Variants in SUGCT observed in about 807,000 individuals in gnomAD.
SUGCT encodes succinyl-CoA:glutarate-CoA transferase.
SUGCT carries 41 observed loss-of-function variants against 55.0 expected under a neutral mutation model. The ratio of observed to expected loss-of-function variants is 0.74; its 90% CI spans 0.58 to 0.97. The LOEUF is 0.97. Among genes scored for constraint, SUGCT ranks in the 50% least tolerant of loss-of-function variants. The probability of loss-of-function intolerance (pLI) is 0.00; values close to 1 mark genes in which losing one functional copy is unlikely to be tolerated. For synonymous variants in SUGCT, 187 were observed against 200.4 expected, an observed-to-expected ratio of 0.93 and a Z score of 0.56; for missense variants, 568 against 547.8, an observed-to-expected ratio of 1.04 and a Z score of -0.37.
intron 13 of SUGCT, among the ~76,000 whole-genome samples, chr7:40,813,228 T>A (rs1791510645): frequency 6.6e-6 from 1 of 152,156 alleles, no homozygotes; most frequent in South Asian, 2.1e-4. Context: ...TTGGGTCCAT[T>A]TGGTCAACTG....
the SUGCT span, among the ~76,000 whole-genome samples, chr7:40,963,091 G>C: frequency 6.6e-6 from 1 of 152,030 alleles, no homozygotes; most frequent in African/African-American, 2.4e-5. Flanking sequence ...ACTTTCACAT[G>C]TTGTCTCTTC....
intron 13 of SUGCT, among the ~76,000 whole-genome samples, chr7:40,851,192 C>G (rs1451157953): frequency 1.3e-5 from 2 of 152,134 alleles, no homozygotes; most frequent in Non-Finnish European, 2.9e-5. Flanking sequence ...TATCACTTCT[C>G]AAAAACAACA....
intron 12 of SUGCT, among the ~76,000 whole-genome samples, chr7:40,652,991 T>C (rs991893954): frequency 1.3e-5 from 2 of 152,342 alleles, no homozygotes; most frequent in Middle Eastern, 6.8e-3. Flanking sequence ...TTACCTATTA[T>C]ATCCTTTCCT....
At chr7:40,711,941 G>A (rs944856729) in intron 12 of SUGCT, among the ~76,000 whole-genome samples, 1 of 152,190 alleles carries the variant, frequency 6.6e-6, no homozygotes, top group East Asian at 1.9e-4. Flanking sequence ...ACTTAACAGC[G>A]TGGCAGAGGT....
At chr7:40,143,650 T>A (rs1281429439) in intron 1 of SUGCT, among the ~76,000 whole-genome samples, 2 of 152,262 alleles carry the variant, frequency 1.3e-5, no homozygotes, top group East Asian at 3.8e-4. Context: ...TTGTCTTAAT[T>A]GCCGAAGTTT....
At chr7:40,970,188 C>G in the SUGCT span, among the ~76,000 whole-genome samples, 1 of 150,440 alleles carries the variant, frequency 6.6e-6, no homozygotes, top group Non-Finnish European at 1.5e-5. Context: ...TTTTTTTTTT[C>G]TGAGACGGAG....
intron 12 of SUGCT, among the ~76,000 whole-genome samples, chr7:40,580,428 A>G (rs1249967172): frequency 1.3e-5 from 2 of 152,188 alleles, no homozygotes; most frequent in African/African-American, 4.8e-5. Context: ...GTGCTAGAAG[A>G]CTTGTAGCTT....
chr7:40,174,327 A>G (rs1784822291), intron 1 of SUGCT, among the ~76,000 whole-genome samples: 1 of 152,064 alleles, frequency 6.6e-6, no homozygotes, highest in Non-Finnish European at 1.5e-5. Flanking sequence ...CTGGCCCATC[A>G]TGGCTCTCTG....
At chr7:40,472,869 C>A (rs1033708567) in intron 11 of SUGCT, among the ~76,000 whole-genome samples, 11 of 152,072 alleles carry the variant, frequency 7.2e-5, no homozygotes, top group African/African-American at 2.4e-4. Flanking sequence ...AATATCAATG[C>A]CACATGTATC....
intron 9 of SUGCT, among the ~76,000 whole-genome samples, chr7:40,377,191 TTTC>T (rs200802943): frequency 0.075 from 746 of 9,996 alleles, 136 homozygotes; most frequent in East Asian, 0.65. Context: ...TCTTTCTTTC[TTTC>T]TTTCTTTTCT....
At chr7:40,494,477 A>G (rs1017668965) in intron 11 of SUGCT, among the ~76,000 whole-genome samples, 26 of 152,328 alleles carry the variant, frequency 1.7e-4, no homozygotes, top group African/African-American at 6.0e-4. Context: ...TTGCATTGTT[A>G]TTCTTATGAA....
intron 13 of SUGCT, among the ~76,000 whole-genome samples, chr7:40,799,899 G>A (rs572989719): frequency 6.6e-6 from 1 of 152,292 alleles, no homozygotes; most frequent in South Asian, 2.1e-4. Context: ...ATGAAGCCAG[G>A]TAACAAATTT....
At chr7:40,346,740 G>T (rs866891657) in intron 9 of SUGCT, among the ~76,000 whole-genome samples, 1 of 152,074 alleles carries the variant, frequency 6.6e-6, no homozygotes, top group Admixed American at 6.6e-5. Flanking sequence ...GTTAAATGAC[G>T]TCATGAGGGT....
At chr7:40,746,497 C>T (rs1257154069) in intron 12 of SUGCT, among the ~76,000 whole-genome samples, 2 of 152,170 alleles carry the variant, frequency 1.3e-5, no homozygotes, top group East Asian at 3.8e-4. Context: ...ATGCATGCTA[C>T]AGCAAATGAG....
At chr7:40,813,303 T>C (rs557673613) in intron 13 of SUGCT, among the ~76,000 whole-genome samples, 5 of 152,310 alleles carry the variant, frequency 3.3e-5, no homozygotes, top group East Asian at 1.9e-4. Flanking sequence ...ATGCTGTCAG[T>C]GAGATGTTGA....
At chr7:40,272,141 CATATATATATATATATAT>C (rs58480323) in intron 7 of SUGCT, among the ~76,000 whole-genome samples, 1,837 of 46,650 alleles carry the variant, frequency 0.039, 66 homozygotes, top group South Asian at 0.12. Context: ...TGCAATGTGA[CATATATATATATATATAT>C]ATATATATAT....
intron 12 of SUGCT, among the ~76,000 whole-genome samples, chr7:40,675,224 C>G (rs1783909959): frequency 6.6e-6 from 1 of 152,086 alleles, no homozygotes; most frequent in Middle Eastern, 3.4e-3. Context: ...CTATGCCCAG[C>G]TAATTTTTGT....
At chr7:40,261,946 A>G (rs1164749353) in intron 7 of SUGCT, among the ~76,000 whole-genome samples, 1 of 152,186 alleles carries the variant, frequency 6.6e-6, no homozygotes, top group Non-Finnish European at 1.5e-5. Context: ...TTCTTAGTCT[A>G]TTCCTTAAAA....
chr7:40,621,243 C>A (rs902402960), intron 12 of SUGCT, among the ~76,000 whole-genome samples: 2 of 152,072 alleles, frequency 1.3e-5, no homozygotes, highest in African/African-American at 4.8e-5. Flanking sequence ...AGGAAGTCAG[C>A]AATTCTAGCC....
Sources: allele counts gnomAD v4.1 joint callset (sites outside exome capture counted in the v4.1 genomes callset), GRCh38; gene constraint gnomAD v4.1.1; transcripts MANE v1.5; gene names NCBI Gene and HGNC (gene_info 2026-07-23, HGNC 2026-07-21).